SETD1A: variants seen among roughly 807,000 people sequenced by gnomAD.
The protein encoded by SETD1A is SET domain containing 1A, histone lysine methyltransferase.
Under a neutral mutation model 149.9 loss-of-function variants are expected in SETD1A, and 29 were observed. The observed-to-expected ratio is 0.19, with a 90% CI of 0.14 to 0.26. The LOEUF (loss-of-function observed/expected upper bound fraction) is 0.26. Among genes scored for constraint, SETD1A ranks in the 10% least tolerant of loss-of-function variants. The pLI is 1.00. For synonymous variants in SETD1A, 1,141 were observed against 968.5 expected, an observed-to-expected ratio of 1.18 and a Z score of -3.31; for missense variants, 2,109 against 2,353.1, an observed-to-expected ratio of 0.90 and a Z score of 2.15.
chr16:30,960,449 C>T (rs1359998371), intron 3 of SETD1A, among the ~76,000 whole-genome samples: 1 of 152,216 alleles, frequency 6.6e-6, no homozygotes, highest in African/African-American at 2.4e-5. Context: ...AAGAATGACA[C>T]CATCTTTATG....
chr16:30,958,661 A>AG, intron 1 of SETD1A, 56 bp from the exon 2 acceptor site: 1 of 1,472,906 alleles, frequency 6.8e-7, no homozygotes, highest in Non-Finnish European at 9.4e-7. Context: ...GAGGAAAGGC[A>AG]GGGGAGTCAG....
intron 4 of SETD1A, among the ~76,000 whole-genome samples, chr16:30,962,952 A>G (rs374064513): frequency 8.4e-4 from 128 of 152,326 alleles, no homozygotes; most frequent in African/African-American, 3.1e-3. Context: ...TTTAAATACC[A>G]TGTTTCTTTC....
At chr16:30,975,229 G>T (rs1388026819) in intron 13 of SETD1A, among the ~76,000 whole-genome samples, 2 of 151,844 alleles carry the variant, frequency 1.3e-5, no homozygotes, top group Admixed American at 1.3e-4. Context: ...AGAATCACCT[G>T]AACCTGGGAG....
At chr16:30,963,723 T>G (rs2056088540) in intron 5 of SETD1A, among the ~76,000 whole-genome samples, 169 bp downstream of exon 5, 1 of 152,228 alleles carries the variant, frequency 6.6e-6, no homozygotes, top group African/African-American at 2.4e-5. Context: ...CCAGGCACAG[T>G]GGCTCACGCC....
intron 4 of SETD1A, among the ~76,000 whole-genome samples, chr16:30,962,853 G>A (rs1313252364): frequency 1.3e-5 from 2 of 152,262 alleles, no homozygotes; most frequent in African/African-American, 4.8e-5. Flanking sequence ...GCTGAGGCAT[G>A]AGAATCACTT....
At position 30,957,971 on chromosome 16, in the gene SETD1A, G is replaced by C. The variant is rs2055985704; in HGVS notation, c.-16+7G>C. 1 of 152,168 alleles carries C rather than the reference G, an allele frequency of 6.6e-6. No individual in the cohort carries two copies. The highest frequency in any genetic ancestry group is 1.5e-5 in the Non-Finnish European group (1 of 67,996). The allele number at this position is 152,168 out of a possible 1,614,324, so 9.4% of individuals were successfully genotyped here. ...CCCGCTGGGCCTCGCGCAGGTGGCA[G>C]TGGTGTTTGGTGCGCGCGCCGGGGA... On this transcript the variant is annotated splice_region_variant and intron_variant, in intron 1 of 18. Coordinates refer to ENST00000262519, the MANE Select transcript of SETD1A (RefSeq NM_014712.3).
chr16:30,984,588 G>A lies in SETD1A; in HGVS notation c.*565G>A. On this transcript the variant is annotated 3_prime_UTR_variant, in exon 19 of 19. Coordinates refer to ENST00000262519, the MANE Select transcript of SETD1A (RefSeq NM_014712.3). ...TGGCGGGGTGGGTCCCTTTTGCTGG[G>A]CTGGACTGTACATATGTTAATAGCG... is the stretch of plus-strand genomic sequence containing the variant. 1 of 159,668 alleles carries A rather than the reference G, an allele frequency of 6.3e-6. No individual in the cohort carries two copies. Among genetic ancestry groups the A allele is most frequent in the Non-Finnish European group, 1.4e-5 (1 of 71,830 alleles). The allele number at this position is 159,668 out of a possible 1,614,324, so 9.9% of individuals were successfully genotyped here. A position where few individuals can be genotyped will look rare whatever the true frequency, so the allele number is the denominator to read the frequency against.
In SETD1A at chr16:30,980,769, TCCGAGCAGCGGC is replaced by T; in HGVS notation, c.4613_4624del (p.Ser1538_Arg1542delinsTrp). The T allele has an allele frequency of 6.2e-7, 1 of 1,612,722 alleles. No homozygotes were observed. Among genetic ancestry groups the T allele is most frequent in the Non-Finnish European group, 8.5e-7 (1 of 1,179,800 alleles). Reference sequence around the variant, plus strand: ...GAACCGCGTGCTGTCCGAGCGCCGGTCCGAGCAGCGGCGGCTGCTGAGCGCCATCGGTACCTC... The same window carrying T: ...GAACCGCGTGCTGTCCGAGCGCCGGTGGCTGCTGAGCGCCATCGGTACCTC... On this transcript the variant is annotated inframe_deletion, in exon 16 of 19. Coordinates refer to ENST00000262519, the MANE Select transcript of SETD1A (RefSeq NM_014712.3). This position sits in a 1 kb window ranked among gnomAD's most constrained non-coding sequence, Gnocchi z 7.7.
chr16:30,958,901 G>A lies in SETD1A; in HGVS notation c.150+20G>A. The A allele has an allele frequency of 6.2e-7, 1 of 1,613,484 alleles. No individual in the cohort carries two copies. The highest frequency in any genetic ancestry group is 1.1e-5 in the South Asian group (1 of 91,072). On this transcript the variant is annotated intron_variant, in intron 2 of 18. Coordinates refer to ENST00000262519, the MANE Select transcript of SETD1A (RefSeq NM_014712.3). Reference sequence around the variant, plus strand: ...GTCAACGTGAGTGCCCGGGTCTTTGGTTGCCATCCGGGGAGCTCCAGGCGC... The same window carrying A: ...GTCAACGTGAGTGCCCGGGTCTTTGATTGCCATCCGGGGAGCTCCAGGCGC...
chr16:30,971,958 T>C (rs533363942), intron 13 of SETD1A, among the ~76,000 whole-genome samples: 1 of 152,328 alleles, frequency 6.6e-6, no homozygotes, highest in Admixed American at 6.5e-5. Context: ...TAAAATGGGT[T>C]GGTCTCTTCT....
Position 30,981,172 on chromosome 16 carries a change from A to C in SETD1A, c.4804A>C (p.Ile1602Leu). 6.2e-7 allele frequency: 1 copy of C among 1,614,084 alleles called. No individual in the cohort carries two copies. Among genetic ancestry groups the C allele is most frequent in the Non-Finnish European group, 8.5e-7 (1 of 1,179,972 alleles). ...GGTCATCGAATACGTGGGTCAGAAC[A>C]TCCGTCAGGTGAGGCTGCACTCCCA... ...EMVIEYVGQNIRQMVADMREK... is the reference protein window; with the variant it reads ...EMVIEYVGQNLRQMVADMREK... Residue 1602 changes from isoleucine (I) to leucine (L), a missense_variant, in exon 17 of 19, where the codon ATC (isoleucine) becomes CTC (leucine). By Grantham distance (5) the Ile-to-Leu change is conservative. This residue lies in a region of SETD1A where 254 missense variants were observed against 409.3 expected (regional missense o/e 0.62). Coordinates refer to ENST00000262519, the MANE Select transcript of SETD1A (RefSeq NM_014712.3).
intron 3 of SETD1A, among the ~76,000 whole-genome samples, chr16:30,960,689 C>T (rs1221207726): frequency 6.6e-6 from 1 of 150,460 alleles, no homozygotes; most frequent in Non-Finnish European, 1.5e-5. Flanking sequence ...GTTCTCTCCA[C>T]GTATATTTAT....
chr16:30,964,553 T>G (rs879817071), intron 6 of SETD1A, 59 bp from the exon 7 acceptor site: 2 of 1,572,832 alleles, frequency 1.3e-6, no homozygotes, highest in African/African-American at 2.7e-5. Flanking sequence ...TGGGACCCAG[T>G]ACGCTGTGGT....
rs199748437 is a variant in SETD1A at position 30,965,189 on chromosome 16, G to A, written c.1447G>A (p.Ala483Thr). The A allele has an allele frequency of 1.7e-4, 278 of 1,613,900 alleles. No individual in the cohort carries two copies. Among genetic ancestry groups the A allele is most frequent in the Admixed American group, 2.3e-4 (14 of 60,004 alleles). The change falls in exon 7 of 19, where the codon GCC (alanine) becomes ACC (threonine). Residue 483 changes from alanine (A) to threonine (T), a missense_variant. Transcript: ENST00000262519. ...GACCACCAATGAGAGTGTGCCCTTC[G>A]CCCAGCACAGCAGCCTGGATTCCCG... ...PETTNESVPF[A>T]QHSSLDSRIE...
chr16:30,974,165 G>A (rs896349867), intron 13 of SETD1A, among the ~76,000 whole-genome samples: 6 of 152,124 alleles, frequency 3.9e-5, no homozygotes, highest in Non-Finnish European at 7.4e-5. Context: ...GGATGATTTG[G>A]TTAAACTTCC....
In SETD1A at chr16:30,964,946, G is replaced by A. The variant is rs1212326103; in HGVS notation, c.1204G>A (p.Ala402Thr). ...TGGAGCCCCTTTTGCTGAAAATACAGCTGAGCGCTTCCCACCTTCTTACAC... is the reference window on the plus strand; with the variant it reads ...TGGAGCCCCTTTTGCTGAAAATACAACTGAGCGCTTCCCACCTTCTTACAC... ...PPGAPFAENT[A>T]ERFPPSYTSY... The change falls in exon 7 of 19, where the codon GCT (alanine) becomes ACT (threonine). Residue 402 changes from alanine (A) to threonine (T), a missense_variant. Ala to Thr is a moderately conservative substitution (Grantham distance 58, BLOSUM62 0). This residue lies in a region of SETD1A where 410 missense variants were observed against 394.8 expected (regional missense o/e 1.04). Coordinates refer to ENST00000262519, the MANE Select transcript of SETD1A (RefSeq NM_014712.3). 1.2e-6 allele frequency: 2 copies of A among 1,614,106 alleles called. No homozygotes were observed. The highest frequency in any genetic ancestry group is 1.7e-5 in the Admixed American group (1 of 60,012).
Position 30,980,945 on chromosome 16 carries a change from G to A in SETD1A, c.4692+96G>A, listed in dbSNP as rs963573526. On this transcript the variant is annotated intron_variant, in intron 16 of 18. Transcript: ENST00000262519. The surrounding 1 kb of genome is among the most constrained non-coding windows in gnomAD (Gnocchi z 7.7). ...CCCAGCAGGCTCCTGTGGTTCCCTCGGGTGGAGTTGGGGGGTAAGCAGCCA... is the reference window on the plus strand; with the variant it reads ...CCCAGCAGGCTCCTGTGGTTCCCTCAGGTGGAGTTGGGGGGTAAGCAGCCA... 87 of 1,569,394 alleles carry A rather than the reference G, an allele frequency of 5.5e-5. No homozygotes were observed. The highest frequency in any genetic ancestry group is 1.4e-4 in the Admixed American group (8 of 58,384).
chr16:30,984,234 T>C lies in SETD1A; in HGVS notation c.*211T>C, dbSNP rs2056424607. 2 of 569,018 alleles carry C rather than the reference T, an allele frequency of 3.5e-6. No individual in the cohort carries two copies. The highest frequency in any genetic ancestry group is 3.1e-6 in the Non-Finnish European group (1 of 319,990). The allele number at this position is 569,018 out of a possible 1,614,324, so 35.2% of individuals were successfully genotyped here. On this transcript the variant is annotated 3_prime_UTR_variant, in exon 19 of 19. Transcript: ENST00000262519. The stretch of plus-strand genomic sequence containing the variant: ...CCCTGCCCACCACCCCCTGATTGTT[T>C]TTCTTTGCGGAGAAGAAGCTGTAAA...
At chr16:30,958,926 C>T (rs2056006600) in intron 2 of SETD1A, 45 bp downstream of exon 2, 2 of 1,609,632 alleles carry the variant, frequency 1.2e-6, no homozygotes, top group East Asian at 2.2e-5. Context: ...GCTCCAGGCG[C>T]CCGTCCTCTG....
Sources: gnomAD v4.1 joint callset for allele counts (sites outside exome capture counted in the v4.1 genomes callset) on GRCh38, gnomAD v4.1.1 for gene constraint, gnomAD v4.1.1 regional missense constraint, Gnocchi (gnomAD v3.1) non-coding constraint, MANE v1.5 for transcripts, NCBI Gene and HGNC (gene_info 2026-07-23, HGNC 2026-07-21) for gene names.